The following B4GALT6 variants were observed in gnomAD, a reference collection of about 807,000 sequenced individuals.
B4GALT6 encodes beta-1,4-galactosyltransferase 6, also known as UDP-Gal:beta-GlcNAc beta-1,4-galactosyltransferase 6.
B4GALT6 carries 14 observed loss-of-function variants against 46.3 expected under a neutral mutation model. The ratio of observed to expected loss-of-function variants is 0.30; its 90% confidence interval spans 0.20 to 0.47. The LOEUF (loss-of-function observed/expected upper bound fraction) is 0.47, where lower values mean the gene tolerates loss of function less well. B4GALT6 is among the 20% of genes least tolerant of loss of function. The probability of loss-of-function intolerance (pLI) is 0.99; values close to 1 mark genes in which losing one functional copy is unlikely to be tolerated. For synonymous variants in B4GALT6, 168 were observed against 162.0 expected (o/e 1.04, Z -0.28); for missense variants, 386 against 480.1 (o/e 0.80, Z 1.83).
chr18:31,627,052 A>G lies in B4GALT6; in HGVS notation c.846T>C (p.Gly282=), dbSNP rs1303100800. Residue 282 remains glycine, a synonymous_variant, in exon 7 of 9, where the codon GGT becomes GGC. Transcript: ENST00000306851. ...CCCATCCCCAGAAGGCATTAGGAAA[A>G]CCATTGATCTTTCTAAATTGTTCCA... ...LTVEQFRKIN[G]FPNAFWGWGG... is the part of the protein sequence containing the mutation. The G allele has an allele frequency of 6.2e-7, 1 of 1,611,622 alleles. No homozygotes were observed. The highest frequency in any genetic ancestry group is 8.5e-7 in the Non-Finnish European group (1 of 1,179,004).
At chr18:31,659,736 T>C (rs2074188673) in intron 2 of B4GALT6, among the ~76,000 whole-genome samples, 1 of 151,774 alleles carries the variant, frequency 6.6e-6, no homozygotes, top group Admixed American at 6.6e-5. Flanking sequence ...CCTGGGCGAG[T>C]GCTGGAAAGT....
the B4GALT6 span, among the ~76,000 whole-genome samples, chr18:31,712,251 A>C: frequency 3.6e-5 from 5 of 138,358 alleles, 1 homozygote; most frequent in African/African-American, 1.4e-4. Context: ...AGTAGTTCGG[A>C]GTTGCCCTTG....
intron 2 of B4GALT6, among the ~76,000 whole-genome samples, chr18:31,659,330 C>T (rs1432712094): frequency 6.6e-6 from 1 of 152,208 alleles, no homozygotes; most frequent in Non-Finnish European, 1.5e-5. Context: ...CTCCATTGCA[C>T]ACCTTTACCT....
At chr18:31,627,980 C>G (rs149806629) in intron 6 of B4GALT6, among the ~76,000 whole-genome samples, 1 of 152,330 alleles carries the variant, frequency 6.6e-6, no homozygotes, top group Non-Finnish European at 1.5e-5. Flanking sequence ...TGAGGGAAAC[C>G]TGGCTGCAAC....
rs564205631 is a variant in B4GALT6, at chr18:31,640,559, A to G, written c.472-1799T>C. 5.3e-5 allele frequency among the ~76,000 whole-genome samples: 8 copies of G among 152,316 alleles called. No homozygotes were observed. The East Asian group carries it at 1.4e-3, about 26-fold the overall frequency. ...CTGCTATGAGGCTGATGTTTTCATG[A>G]TAATAATTAATCACAGCATATCTAT... On this transcript the variant is annotated intron_variant, in intron 4 of 8. Transcript: ENST00000306851.
the B4GALT6 span, among the ~76,000 whole-genome samples, chr18:31,721,131 C>A: frequency 2.8e-5 from 4 of 141,738 alleles, no homozygotes; most frequent in Non-Finnish European, 6.0e-5. Flanking sequence ...GGCGTATGTG[C>A]ATGAGAGTCC....
At chr18:31,671,633 T>C (rs1276109451) in intron 1 of B4GALT6, among the ~76,000 whole-genome samples, 1 of 152,260 alleles carries the variant, frequency 6.6e-6, no homozygotes, top group African/African-American at 2.4e-5. Context: ...ATTCTGGATA[T>C]TAGCCCTTTG....
At chr18:31,693,364 T>C in the B4GALT6 span, among the ~76,000 whole-genome samples, 4 of 152,214 alleles carry the variant, frequency 2.6e-5, no homozygotes, top group Non-Finnish European at 5.9e-5. Context: ...AGAAAAGTCC[T>C]ATTAACAGAA....
At chr18:31,684,906 G>A (rs1457418076), upstream of B4GALT6, among the ~76,000 whole-genome samples, 6 of 149,644 alleles carry the variant, frequency 4.0e-5, no homozygotes, top group African/African-American at 1.5e-4. Context: ...TTAAGGTCCG[G>A]GCCGCCCGCG....
rs771183168 is a variant in B4GALT6, at chr18:31,627,058, G to T, written c.840C>A (p.Ile280=). ...CCCAGAAGGCATTAGGAAAACCATT[G>T]ATCTTTCTAAATTGTTCCACTGTCA... ...SGLTVEQFRK[I]NGFPNAFWGW... The change falls in exon 7 of 9, where the codon ATC becomes ATA. Residue 280 remains isoleucine, a synonymous_variant. Coordinates refer to ENST00000306851, the MANE Select transcript of B4GALT6 (RefSeq NM_004775.5). 1 of 1,611,414 alleles carries T rather than the reference G, an allele frequency of 6.2e-7. No homozygotes were observed. Among genetic ancestry groups the T allele is most frequent in the Non-Finnish European group, 8.5e-7 (1 of 1,178,842 alleles).
intron 6 of B4GALT6, among the ~76,000 whole-genome samples, chr18:31,629,309 C>G (rs898588463): frequency 6.6e-6 from 1 of 151,440 alleles, no homozygotes. Context: ...CCACTGTAAC[C>G]CCTGCATTAC....
At chr18:31,707,147 A>G in the B4GALT6 span, among the ~76,000 whole-genome samples, 3 of 152,162 alleles carry the variant, frequency 2.0e-5, no homozygotes, top group East Asian at 1.9e-4. Flanking sequence ...AACTTTTTCC[A>G]AACTTTTTAC....
chr18:31,640,849 A>G (rs1330249668), intron 4 of B4GALT6, among the ~76,000 whole-genome samples: 2 of 152,264 alleles, frequency 1.3e-5, no homozygotes, highest in Non-Finnish European at 1.5e-5. Flanking sequence ...TTCCCGAATC[A>G]AAACAACTGT....
At chr18:31,651,932 A>G (rs958869904) in intron 3 of B4GALT6, among the ~76,000 whole-genome samples, 10 of 152,088 alleles carry the variant, frequency 6.6e-5, no homozygotes, top group Admixed American at 2.0e-4. Context: ...CACCACGCCC[A>G]GCTAATTTTT....
At chr18:31,658,251 C>T (rs1177474887) in intron 2 of B4GALT6, 162 bp from the exon 3 acceptor site, 2 of 554,382 alleles carry the variant, frequency 3.6e-6, no homozygotes, top group Admixed American at 6.2e-5. Flanking sequence ...CAAACTGCTG[C>T]GGGGAACAGA....
chr18:31,680,316 G>A (rs1275635847), intron 1 of B4GALT6, among the ~76,000 whole-genome samples: 1 of 152,180 alleles, frequency 6.6e-6, no homozygotes, highest in African/African-American at 2.4e-5. Flanking sequence ...TTCTGTGCTA[G>A]CCCAGGAAGA....
At chr18:31,647,535 G>A (rs1227609027) in intron 3 of B4GALT6, among the ~76,000 whole-genome samples, 2 of 152,056 alleles carry the variant, frequency 1.3e-5, no homozygotes, top group Non-Finnish European at 2.9e-5. Flanking sequence ...GTTGCCCTTT[G>A]CTCTGAAATC....
chr18:31,662,513 T>C (rs998038848), intron 2 of B4GALT6, among the ~76,000 whole-genome samples: 1 of 152,190 alleles, frequency 6.6e-6, no homozygotes, highest in African/African-American at 2.4e-5. Flanking sequence ...ATACAGCCAA[T>C]AATGATTTAA....
At chr18:31,626,221 T>G (rs1387180626) in intron 8 of B4GALT6, 62 bp downstream of exon 8, 1 of 988,104 alleles carries the variant, frequency 1.0e-6, no homozygotes, top group African/African-American at 1.7e-5. Context: ...GCATTTTTAT[T>G]TACCTTTCAT....
Sources: gnomAD v4.1 joint callset for allele counts (sites outside exome capture counted in the v4.1 genomes callset) on GRCh38, gnomAD v4.1.1 for gene constraint, MANE v1.5 for transcripts, NCBI Gene and HGNC (gene_info 2026-07-23, HGNC 2026-07-21) for gene names.